The following SAPCD2 variants were observed in gnomAD, a reference collection of about 807,000 sequenced individuals.
SAPCD2 encodes the protein suppressor APC domain containing 2, also known as suppressor APC domain-containing protein 2.
In SAPCD2, 34 loss-of-function variants were observed where a neutral mutation model predicts 37.8. That is an observed-to-expected ratio of 0.90 (90% CI 0.68 to 1.20). The LOEUF (loss-of-function observed/expected upper bound fraction) is 1.20. Among genes scored for constraint, SAPCD2 ranks in the 50% most tolerant of loss-of-function variants. The pLI is 0.00. For synonymous variants in SAPCD2, 275 were observed against 270.3 expected, an observed-to-expected ratio of 1.02 and a Z score of -0.17; for missense variants, 572 against 584.7, an observed-to-expected ratio of 0.98 and a Z score of 0.22.
chr9:137,065,480 TC>T, intron 3 of SAPCD2, 41 bp downstream of exon 3: 7 of 1,547,498 alleles, frequency 4.5e-6, no homozygotes, highest in Non-Finnish European at 6.1e-6. Context: ...TGAGCTGGGG[TC>T]CCCATGTGTG....
rs1294966172 is a variant in SAPCD2 at position 137,065,530 on chromosome 9, C to T, written c.823G>A (p.Ala275Thr). The change falls in exon 3 of 6, where the codon GCC becomes ACC. Residue 275 changes from alanine to threonine, a missense_variant. Coordinates refer to ENST00000409687, the MANE Select transcript of SAPCD2 (RefSeq NM_178448.4). ...AGGGCTGTGGCACTCACGGCGCTGGCTCTGCTCTGGCCCAGGCGGCGCTGG... is the reference window on the plus strand; with the variant it reads ...AGGGCTGTGGCACTCACGGCGCTGGTTCTGCTCTGGCCCAGGCGGCGCTGG... Reference protein sequence around the residue: ...ERQRRLGQSRASADFGAAGSP... With the variant: ...ERQRRLGQSRTSADFGAAGSP... 6.2e-7 allele frequency: 1 copy of T among 1,601,456 alleles called. No homozygotes were observed. The highest frequency in any genetic ancestry group is 8.5e-7 in the Non-Finnish European group (1 of 1,172,828).
Position 137,064,895 on chromosome 9 carries a change from TGAG to T in SAPCD2, c.1021_1023del (p.Leu341del). 6.4e-7 allele frequency: 1 copy of T among 1,561,630 alleles called. No homozygotes were observed. Among genetic ancestry groups the T allele is most frequent in the Non-Finnish European group, 8.7e-7 (1 of 1,153,180 alleles). On this transcript the variant is annotated inframe_deletion, in exon 5 of 6. Transcript: ENST00000409687. ...AGGAGTCGGTTCTGCTCCTTCAGCA[TGAG>T]GATGGTCTGCTGCTGCCAGACCGGG...
rs1028321871 is a variant in SAPCD2 at position 137,064,562 on chromosome 9, G to A, written c.*97C>T. On this transcript the variant is annotated 3_prime_UTR_variant, in exon 6 of 6. Transcript: ENST00000409687. ...CTCCGGGACTGTGCCTGGGCCTGCCGGGGGTCTCCAGCCAGAGAGGGTGGG... is the reference window on the plus strand; with the variant it reads ...CTCCGGGACTGTGCCTGGGCCTGCCAGGGGTCTCCAGCCAGAGAGGGTGGG... The A allele has an allele frequency of 1.2e-5, 17 of 1,416,304 alleles. No individual in the cohort carries two copies. Among genetic ancestry groups the A allele is most frequent in the African/African-American group, 8.6e-5 (6 of 70,110 alleles). 87.7% of individuals were successfully genotyped at this position (1,416,304 alleles called of 1,614,324 possible).
chr9:137,065,556 C>T lies in SAPCD2; in HGVS notation c.797G>A (p.Arg266His), dbSNP rs138403381. ...TCTGCTCTGGCCCAGGCGGCGCTGG[C>T]GCTCCTGCACTCGTTGCAGCTGCTG... ...YQQQLQRVQE[R>H]QRRLGQSRAS... The change falls in exon 3 of 6, where the codon CGC (arginine) becomes CAC (histidine). Residue 266 changes from arginine to histidine, a missense_variant. Coordinates refer to ENST00000409687, the MANE Select transcript of SAPCD2 (RefSeq NM_178448.4). The T allele has an allele frequency of 3.1e-4, 497 of 1,606,966 alleles. No homozygotes were observed. Among genetic ancestry groups the T allele is most frequent in the Admixed American group, 3.0e-4 (18 of 59,792 alleles).
rs534497547 is a variant in SAPCD2 at position 137,063,214 on chromosome 9, C to T, written c.*1445G>A. ...CTTATGTCCCCTGGAAAGCCCACTC[C>T]CATCTTCAGGGTAGGAGGGCAGCTG... On this transcript the variant is annotated 3_prime_UTR_variant, in exon 6 of 6. Transcript: ENST00000409687. 6.6e-6 allele frequency: 1 copy of T among 152,436 alleles called. No individual in the cohort carries two copies. The highest frequency in any genetic ancestry group is 6.5e-5 in the Admixed American group (1 of 15,306). The allele number at this position is 152,436 out of a possible 1,614,324, so 9.4% of individuals were successfully genotyped here. A position where few individuals can be genotyped will look rare whatever the true frequency, so the allele number is the denominator to read the frequency against.
At position 137,064,848 on chromosome 9, in the gene SAPCD2, C is replaced by G. The variant is rs1832519166; in HGVS notation, c.1056+15G>C. On this transcript the variant is annotated intron_variant, in intron 5 of 5. Transcript: ENST00000409687. ...CCTCACCCCCACCCCTGCACCCCTC[C>G]CGCGCCTGCCCTACCTGGGTGAGGA... 4 of 1,568,558 alleles carry G rather than the reference C, an allele frequency of 2.6e-6. No homozygotes were observed. In the African/African-American group the frequency reaches 5.4e-5, roughly 21 times the overall value.
In SAPCD2 at chr9:137,064,920, C is replaced by G. The variant is rs780926130; in HGVS notation, c.999G>C (p.Pro333=). The G allele has an allele frequency of 8.3e-6, 13 of 1,557,456 alleles. No individual in the cohort carries two copies. Among genetic ancestry groups the G allele is most frequent in the South Asian group, 1.2e-5 (1 of 84,758 alleles). ...PCPALTSTSP[P]VWQQQTILML... ...TGAGGATGGTCTGCTGCTGCCAGAC[C>G]GGGGGTGAGGTGGACGTCAGGGCAG... Residue 333 remains proline, a synonymous_variant, in exon 5 of 6, where the codon CCG becomes CCC. Transcript: ENST00000409687.
Position 137,062,672 on chromosome 9 carries a change from G to A in SAPCD2, c.*1987C>T, listed in dbSNP as rs886443901. 1 of 152,272 alleles carries A rather than the reference G, an allele frequency of 6.6e-6. No homozygotes were observed. The highest frequency in any genetic ancestry group is 2.4e-5 in the African/African-American group (1 of 41,460). 9.4% of individuals were successfully genotyped at this position (152,272 alleles called of 1,614,324 possible). A position where few individuals can be genotyped will look rare whatever the true frequency, so the allele number is the denominator to read the frequency against. On this transcript the variant is annotated 3_prime_UTR_variant, in exon 6 of 6. Transcript: ENST00000409687. The stretch of plus-strand genomic sequence containing the variant: ...GGAGACTGACCCGCCCAGCGTCCTA[G>A]GGCAGGCTCCAGGCAGGGTCTGCAT...
rs750655708 is a variant in SAPCD2 at position 137,064,758 on chromosome 9, C to G, written c.1086G>C (p.Thr362=). ...GCGCCGACTTCTCCTGCTCCAGCTG[C>G]GTGATGCGCTCACTCTTCTCGGTCA... ...QEVTEKSERI[T]QLEQEKSALI... Residue 362 remains threonine (T), a synonymous_variant, in exon 6 of 6, where the codon ACG becomes ACC. Transcript: ENST00000409687. 1 of 1,594,088 alleles carries G rather than the reference C, an allele frequency of 6.3e-7. No individual in the cohort carries two copies. The highest frequency in any genetic ancestry group is 8.5e-7 in the Non-Finnish European group (1 of 1,171,054).
intron 1 of SAPCD2, among the ~76,000 whole-genome samples, chr9:137,068,150 G>A (rs1832575948): frequency 6.6e-6 from 1 of 152,344 alleles, no homozygotes; most frequent in African/African-American, 2.4e-5. Flanking sequence ...CCTGGCTCCA[G>A]GCAGGCCCGA....
At chr9:137,067,799 A>AAG in intron 1 of SAPCD2, among the ~76,000 whole-genome samples, 1 of 150,730 alleles carries the variant, frequency 6.6e-6, no homozygotes, top group African/African-American at 2.4e-5. Context: ...AAAAAAAAAA[A>AAG]AAAGTCCCGC....
At chr9:137,069,620 A>G (rs964599186) in intron 1 of SAPCD2, among the ~76,000 whole-genome samples, 4 of 152,156 alleles carry the variant, frequency 2.6e-5, no homozygotes, top group African/African-American at 9.6e-5. Context: ...TTTCTGAGTC[A>G]CCTGCCACCC....
chr9:137,066,230 G>A (rs1342059527), intron 2 of SAPCD2, 32 bp downstream of exon 2: 1 of 1,538,182 alleles, frequency 6.5e-7, no homozygotes, highest in South Asian at 1.2e-5. Context: ...AGGCAAGATG[G>A]AGAGCCCCAC....
intron 1 of SAPCD2, among the ~76,000 whole-genome samples, chr9:137,069,589 C>G (rs1200525002): frequency 6.6e-6 from 1 of 152,198 alleles, no homozygotes; most frequent in East Asian, 1.9e-4. Flanking sequence ...AGGCTTGGTA[C>G]AGGTTGGGCT....
intron 1 of SAPCD2, among the ~76,000 whole-genome samples, chr9:137,069,258 G>T (rs1203256307): frequency 6.6e-6 from 1 of 152,238 alleles, no homozygotes; most frequent in Non-Finnish European, 1.5e-5. Context: ...GAGTGTGCCA[G>T]CCATCCCCAG....
chr9:137,064,688 C>A lies in SAPCD2; in HGVS notation c.1156G>T (p.Gly386Trp), dbSNP rs773790760. ...FEARALSQQD[G>W]GPLDSTFI ...ATGAAGGTGGAATCCAGAGGTCCCC[C>A]GTCCTGCTGGCTCAGGGCGCGGGCC... Residue 386 changes from glycine to tryptophan, a missense_variant, in exon 6 of 6, where the codon GGG becomes TGG. By Grantham distance (184) the Gly-to-Trp change is radical. Coordinates refer to ENST00000409687, the MANE Select transcript of SAPCD2 (RefSeq NM_178448.4). The A allele has an allele frequency of 1.9e-6, 3 of 1,596,704 alleles. No homozygotes were observed. Among genetic ancestry groups the A allele is most frequent in the African/African-American group, 2.7e-5 (2 of 74,586 alleles).
rs564942577 is a variant in SAPCD2, at chr9:137,068,411, G to C, written c.571+1479C>G. 2.3e-4 allele frequency among the ~76,000 whole-genome samples: 35 copies of C among 152,338 alleles called. 1 individual carries two copies. In the South Asian group the frequency reaches 7.0e-3, roughly 31 times the overall value. On this transcript the variant is annotated intron_variant, in intron 1 of 5. Coordinates refer to ENST00000409687, the MANE Select transcript of SAPCD2 (RefSeq NM_178448.4). ...GGGGGTGGTGGCTCTGCCCCTCCAGGGCCCTGAGCCAGCAGGCCACACCTC... is the reference window on the plus strand; with the variant it reads ...GGGGGTGGTGGCTCTGCCCCTCCAGCGCCCTGAGCCAGCAGGCCACACCTC...
At chr9:137,066,126 G>T in intron 2 of SAPCD2, 136 bp downstream of exon 2, 1 of 742,426 alleles carries the variant, frequency 1.3e-6, no homozygotes, top group Non-Finnish European at 2.3e-6. Context: ...GTCAAGCCCA[G>T]GTAGGGAGAG....
Position 137,064,577 on chromosome 9 carries a change from G to A in SAPCD2, c.*82C>T, listed in dbSNP as rs1450086835. The A allele has an allele frequency of 6.7e-7, 1 of 1,491,256 alleles. No individual in the cohort carries two copies. Among genetic ancestry groups the A allele is most frequent in the Admixed American group, 2.0e-5 (1 of 49,876 alleles). 92.4% of individuals were successfully genotyped at this position (1,491,256 alleles called of 1,614,324 possible). On this transcript the variant is annotated 3_prime_UTR_variant, in exon 6 of 6. Coordinates refer to ENST00000409687, the MANE Select transcript of SAPCD2 (RefSeq NM_178448.4). ...TGGGCCTGCCGGGGGTCTCCAGCCA[G>A]AGAGGGTGGGTGCGATGGGGCGCCC... is the stretch of plus-strand genomic sequence containing the variant.
Sources: gnomAD v4.1 joint callset for allele counts (sites outside exome capture counted in the v4.1 genomes callset) on GRCh38, gnomAD v4.1.1 for gene constraint, MANE v1.5 for transcripts, NCBI Gene and HGNC (gene_info 2026-07-23, HGNC 2026-07-21) for gene names.